The following SCAMP1 variants were observed in gnomAD, a reference collection of about 807,000 sequenced individuals.
The protein encoded by SCAMP1 is secretory carrier-associated membrane protein 1.
Under a neutral mutation model 41.8 loss-of-function variants are expected in SCAMP1, and 15 were observed. That is an observed-to-expected ratio of 0.36 (90% CI 0.24 to 0.55). The LOEUF (loss-of-function observed/expected upper bound fraction) is 0.55. Ranked by LOEUF, SCAMP1 falls within the 20% of genes least tolerant of loss-of-function variation. SCAMP1 has a pLI of 0.86. For missense variants in SCAMP1, 341 were observed against 412.6 expected (o/e 0.83, Z 1.50); for synonymous variants, 135 against 136.8 (o/e 0.99, Z 0.09).
chr5:78,422,091 A>G, intron 6 of SCAMP1, 131 bp downstream of exon 6: 1 of 710,012 alleles, frequency 1.4e-6, no homozygotes. Flanking sequence ...TACCTTCAGG[A>G]AAGTTCAATA....
chr5:78,456,529 T>C (rs1334945804), intron 7 of SCAMP1, among the ~76,000 whole-genome samples: 3 of 151,800 alleles, frequency 2.0e-5, no homozygotes, highest in Non-Finnish European at 1.5e-5. Context: ...CTCTTCTGGC[T>C]TGTAGGGTTT....
intron 2 of SCAMP1, among the ~76,000 whole-genome samples, chr5:78,409,468 C>A (rs1752017709): frequency 6.6e-6 from 1 of 150,634 alleles, no homozygotes; most frequent in South Asian, 2.1e-4. Context: ...CTCATCTGTC[C>A]CAGAGTGAAA....
At chr5:78,452,767 A>T (rs1319180438) in intron 7 of SCAMP1, among the ~76,000 whole-genome samples, 1 of 147,176 alleles carries the variant, frequency 6.8e-6, no homozygotes, top group East Asian at 2.0e-4. Flanking sequence ...CGCCACACTG[A>T]CTTCCACAAT....
intron 6 of SCAMP1, among the ~76,000 whole-genome samples, chr5:78,431,759 C>T (rs1229832183): frequency 6.6e-6 from 1 of 151,798 alleles, no homozygotes; most frequent in Non-Finnish European, 1.5e-5. Context: ...AACCTTTATA[C>T]AGTTTTAAAA....
chr5:78,368,820 A>G (rs1750863313), intron 1 of SCAMP1, among the ~76,000 whole-genome samples: 1 of 152,124 alleles, frequency 6.6e-6, no homozygotes. Context: ...AGGTAAGTGA[A>G]TAAACTTGTT....
intron 2 of SCAMP1, among the ~76,000 whole-genome samples, chr5:78,398,353 CT>C (rs1561260228): frequency 2.0e-5 from 2 of 100,928 alleles, no homozygotes; most frequent in Admixed American, 2.2e-4. Flanking sequence ...TAGGGTTCAC[CT>C]CTTTTTTTTT....
intron 1 of SCAMP1, among the ~76,000 whole-genome samples, chr5:78,373,335 G>A (rs187527384): frequency 1.3e-5 from 2 of 151,982 alleles, no homozygotes; most frequent in African/African-American, 4.8e-5. Flanking sequence ...CTACTTTCAA[G>A]CTTTGGGAAT....
intron 2 of SCAMP1, among the ~76,000 whole-genome samples, chr5:78,391,375 A>C (rs1580658305): frequency 7.1e-6 from 1 of 141,016 alleles, no homozygotes; most frequent in Admixed American, 6.9e-5. Context: ...GGCGCCCCTC[A>C]CCTCCCGGAC....
intron 6 of SCAMP1, among the ~76,000 whole-genome samples, chr5:78,437,901 T>C (rs1752802824): frequency 6.6e-6 from 1 of 152,216 alleles, no homozygotes; most frequent in Non-Finnish European, 1.5e-5. Flanking sequence ...AGCCTGTTAT[T>C]GGTCTATTCA....
At chr5:78,404,217 C>T (rs1751873118) in intron 2 of SCAMP1, among the ~76,000 whole-genome samples, 2 of 151,818 alleles carry the variant, frequency 1.3e-5, no homozygotes, top group Non-Finnish European at 2.9e-5. Context: ...TTCTCATTCT[C>T]TCTACAGAAC....
At chr5:78,455,162 GT>G (rs1193568006) in intron 7 of SCAMP1, among the ~76,000 whole-genome samples, 1 of 150,320 alleles carries the variant, frequency 6.7e-6, no homozygotes, top group Non-Finnish European at 1.5e-5. Context: ...TTTTTGAAGG[GT>G]TTTTTGTGTC....
chr5:78,384,329 A>G (rs1363920231), intron 1 of SCAMP1, among the ~76,000 whole-genome samples: 1 of 151,780 alleles, frequency 6.6e-6, no homozygotes, highest in Non-Finnish European at 1.5e-5. Flanking sequence ...TGCTGAATTC[A>G]TTTACCAGTT....
chr5:78,364,516 G>A (rs1750745088), intron 1 of SCAMP1, among the ~76,000 whole-genome samples: 1 of 152,154 alleles, frequency 6.6e-6, no homozygotes, highest in Non-Finnish European at 1.5e-5. Flanking sequence ...CTTGCTCATT[G>A]TCTTGTGCCC....
intron 6 of SCAMP1, among the ~76,000 whole-genome samples, chr5:78,440,725 C>G (rs751465255): frequency 1.1e-4 from 17 of 152,228 alleles, no homozygotes; most frequent in Non-Finnish European, 1.8e-4. Flanking sequence ...AACCACTACT[C>G]TCTTCAAAGC....
At chr5:78,463,869 C>CTTT (rs33923232) in intron 8 of SCAMP1, among the ~76,000 whole-genome samples, 4 of 150,104 alleles carry the variant, frequency 2.7e-5, no homozygotes, top group African/African-American at 9.7e-5. Context: ...CTTAATGAAG[C>CTTT]TTTTTTTTTT....
At chr5:78,454,554 G>A (rs1361001432) in intron 7 of SCAMP1, among the ~76,000 whole-genome samples, 1 of 151,888 alleles carries the variant, frequency 6.6e-6, no homozygotes, top group African/African-American at 2.4e-5. Flanking sequence ...TGGTGGATAA[G>A]CTTTTTGATG....
intron 1 of SCAMP1, among the ~76,000 whole-genome samples, chr5:78,374,762 A>G (rs1751024064): frequency 6.6e-6 from 1 of 152,064 alleles, no homozygotes; most frequent in African/African-American, 2.4e-5. Flanking sequence ...TTAAGTTTCT[A>G]ATTTACTAAG....
At chr5:78,436,722 A>G (rs1752766442) in intron 6 of SCAMP1, among the ~76,000 whole-genome samples, 1 of 152,262 alleles carries the variant, frequency 6.6e-6, no homozygotes. Flanking sequence ...TTTTGGTTCC[A>G]TATGAACTTT....
At chr5:78,418,559 T>C (rs1357109611) in intron 4 of SCAMP1, among the ~76,000 whole-genome samples, 7 of 152,176 alleles carry the variant, frequency 4.6e-5, no homozygotes, top group Non-Finnish European at 1.0e-4. Flanking sequence ...AAAATTATTT[T>C]ACTATCTAAT....
Sources: allele counts gnomAD v4.1 joint callset (sites outside exome capture counted in the v4.1 genomes callset), GRCh38; gene constraint gnomAD v4.1.1; transcripts MANE v1.5; gene names NCBI Gene and HGNC (gene_info 2026-07-23, HGNC 2026-07-21).